PARD3: variants seen among roughly 807,000 people sequenced by gnomAD.
The protein encoded by PARD3 is par-3 family cell polarity regulator.
A neutral mutation model predicts 155.4 loss-of-function variants in PARD3; 75 were observed. The ratio of observed to expected loss-of-function variants is 0.48; its 90% CI spans 0.40 to 0.58. The LOEUF is 0.58. Among genes scored for constraint, PARD3 ranks in the 20% least tolerant of loss-of-function variants. The pLI is 0.00. For missense variants in PARD3, 1,642 were observed against 1,721.7 expected (o/e 0.95, Z 0.82); for synonymous variants, 576 against 610.5 (o/e 0.94, Z 0.83).
rs1199321504 is a variant in PARD3 at position 34,696,392 on chromosome 10, G to A, written c.148C>T (p.Arg50Cys). The A allele has an allele frequency of 2.5e-6, 4 of 1,609,874 alleles. No homozygotes were observed. Among genetic ancestry groups the A allele is most frequent in the Admixed American group, 1.7e-5 (1 of 59,958 alleles). Residue 50 changes from arginine to cysteine, a missense_variant, in exon 2 of 25, where the codon CGC becomes TGC. Arg to Cys is a radical substitution (Grantham distance 180). Coordinates refer to ENST00000374788, the MANE Select transcript of PARD3 (RefSeq NM_001184785.2). ...ATTCCTCCATCTCCATGTTCCAAGC[G>A]ATGCACCTGTATCCAGTAGTTTGGA... is the stretch of plus-strand genomic sequence containing the variant. ...KDPNYWIQVH[R>C]LEHGDGGILD...
chr10:34,684,812 C>CACACACACACATATAT (rs2093917894), intron 2 of PARD3, among the ~76,000 whole-genome samples: 2 of 122,696 alleles, frequency 1.6e-5, no homozygotes, highest in Non-Finnish European at 3.3e-5. Context: ...CACACACACA[C>CACACACACACATATAT]ACACACACAC....
intron 1 of PARD3, among the ~76,000 whole-genome samples, chr10:34,809,230 G>C (rs12264595): frequency 0.35 from 53,705 of 152,086 alleles, 10,631 homozygotes; most frequent in African/African-American, 0.55. Flanking sequence ...TTGTGTGAGA[G>C]CAGTGTAACA....
intron 22 of PARD3, among the ~76,000 whole-genome samples, chr10:34,134,417 TAA>T (rs1947781418): frequency 6.6e-6 from 1 of 152,312 alleles, no homozygotes; most frequent in East Asian, 1.9e-4. Context: ...TTTAAGCCCA[TAA>T]TTATTAGGAT....
At chr10:34,492,999 T>G (rs1206538128) in intron 3 of PARD3, among the ~76,000 whole-genome samples, 1 of 152,228 alleles carries the variant, frequency 6.6e-6, no homozygotes, top group African/African-American at 2.4e-5. Flanking sequence ...ATTTTTTCTG[T>G]CTACCTTGTA....
chr10:34,394,323 G>T (rs2132118621), intron 7 of PARD3, among the ~76,000 whole-genome samples: 1 of 152,174 alleles, frequency 6.6e-6, no homozygotes, highest in Non-Finnish European at 1.5e-5. Context: ...ACCATGCCCG[G>T]CCTTATTTTG....
At chr10:34,659,863 G>A (rs1195004469) in intron 2 of PARD3, among the ~76,000 whole-genome samples, 1 of 152,004 alleles carries the variant, frequency 6.6e-6, no homozygotes, top group Non-Finnish European at 1.5e-5. Context: ...CAAACCCAAG[G>A]GCCTTCAATG....
In PARD3 at chr10:34,142,471, G is replaced by T. The variant is rs185048840; in HGVS notation, c.3420-10888C>A. Among the ~76,000 whole-genome samples, 21 of 152,074 alleles carry T rather than the reference G, an allele frequency of 1.4e-4. 1 individual carries two copies. The East Asian group carries it at 3.9e-3, about 28-fold the overall frequency. ...AATTGCTTGAGCCCAGGAGTTTGAGGCTGCAGTGAACCATGATTGCACCAC... is the reference window on the plus strand; with the variant it reads ...AATTGCTTGAGCCCAGGAGTTTGAGTCTGCAGTGAACCATGATTGCACCAC... On this transcript the variant is annotated intron_variant, in intron 22 of 24. Coordinates refer to ENST00000374788, the MANE Select transcript of PARD3 (RefSeq NM_001184785.2).
chr10:34,569,908 A>C (rs911396774), intron 2 of PARD3, among the ~76,000 whole-genome samples: 1 of 151,962 alleles, frequency 6.6e-6, no homozygotes, highest in African/African-American at 2.4e-5. Flanking sequence ...AAAAAAAAAA[A>C]AACAGATTAC....
chr10:34,739,493 C>A (rs1023310238), intron 1 of PARD3, among the ~76,000 whole-genome samples: 3 of 152,268 alleles, frequency 2.0e-5, no homozygotes, highest in Admixed American at 6.5e-5. Context: ...ATGCTGAAAT[C>A]CCAGGAGTGC....
intron 14 of PARD3, among the ~76,000 whole-genome samples, chr10:34,358,639 G>T (rs1481786150): frequency 6.6e-6 from 1 of 152,140 alleles, no homozygotes; most frequent in African/African-American, 2.4e-5. Flanking sequence ...GCTGCAGCGA[G>T]CTGTGACCAC....
chr10:34,795,870 G>C (rs1842192748), intron 1 of PARD3, among the ~76,000 whole-genome samples: 1 of 151,884 alleles, frequency 6.6e-6, no homozygotes, highest in Non-Finnish European at 1.5e-5. Flanking sequence ...CTCCAGCCTG[G>C]GCAACAAGAG....
chr10:34,672,977 G>A (rs545573226), intron 2 of PARD3, among the ~76,000 whole-genome samples: 2 of 152,216 alleles, frequency 1.3e-5, no homozygotes, highest in Non-Finnish European at 2.9e-5. Context: ...ATACCTCTAG[G>A]ATGATAAATT....
chr10:34,517,690 T>C (rs973196019), intron 2 of PARD3, among the ~76,000 whole-genome samples: 5 of 152,034 alleles, frequency 3.3e-5, no homozygotes, highest in Admixed American at 1.3e-4. Context: ...CTTACTCTAC[T>C]ACACGCCCCC....
chr10:34,327,073 G>T (rs905951755), intron 19 of PARD3, among the ~76,000 whole-genome samples: 2 of 152,134 alleles, frequency 1.3e-5, no homozygotes, highest in African/African-American at 4.8e-5. Flanking sequence ...TTTTTTAAAA[G>T]AAAACAAAGC....
intron 22 of PARD3, among the ~76,000 whole-genome samples, chr10:34,134,125 T>C (rs1947761021): frequency 6.6e-6 from 1 of 152,210 alleles, no homozygotes; most frequent in African/African-American, 2.4e-5. Flanking sequence ...TTTAAAAATA[T>C]ATAGTGTCCT....
intron 22 of PARD3, among the ~76,000 whole-genome samples, chr10:34,151,926 C>T (rs1948800414): frequency 6.6e-6 from 1 of 152,096 alleles, no homozygotes; most frequent in Non-Finnish European, 1.5e-5. Flanking sequence ...ATTCAAGAGA[C>T]CTCAAGATTC....
intron 1 of PARD3, among the ~76,000 whole-genome samples, chr10:34,742,949 G>A (rs754234099): frequency 2.6e-5 from 4 of 152,062 alleles, no homozygotes; most frequent in Non-Finnish European, 5.9e-5. Context: ...ACGGTCTTGG[G>A]TGCCAAGTAC....
At chr10:34,641,308 G>C (rs2092672087) in intron 2 of PARD3, among the ~76,000 whole-genome samples, 2 of 152,196 alleles carry the variant, frequency 1.3e-5, no homozygotes, top group South Asian at 4.1e-4. Context: ...AAATTAACCA[G>C]GTTCTCCCTC....
intron 1 of PARD3, among the ~76,000 whole-genome samples, chr10:34,746,132 A>G (rs980122475): frequency 6.6e-6 from 1 of 151,962 alleles, no homozygotes; most frequent in Admixed American, 6.6e-5. Flanking sequence ...AAATTAAGAA[A>G]CAAAGAAGCC....
Sources: allele counts gnomAD v4.1 joint callset (sites outside exome capture counted in the v4.1 genomes callset), GRCh38; gene constraint gnomAD v4.1.1; transcripts MANE v1.5; gene names NCBI Gene and HGNC (gene_info 2026-07-23, HGNC 2026-07-21).